The following AEBP1 variants were observed in gnomAD, a reference collection of about 807,000 sequenced individuals.
AEBP1 encodes the protein AE binding protein 1.
A neutral mutation model predicts 116.5 loss-of-function variants in AEBP1; 69 were observed. The ratio of observed to expected loss-of-function variants is 0.59; its 90% CI spans 0.49 to 0.72. The LOEUF is 0.72. Ranked by LOEUF, AEBP1 falls within the 30% of genes least tolerant of loss-of-function variation. The pLI is 0.00. For missense variants in AEBP1, 1,444 were observed against 1,557.5 expected, an observed-to-expected ratio of 0.93 and a Z score of 1.23; for synonymous variants, 627 against 627.3, an observed-to-expected ratio of 1.00 and a Z score of 0.01.
chr7:44,111,466 G>A lies in AEBP1; in HGVS notation c.1717-41G>A, dbSNP rs748051536. 11 of 1,547,900 alleles carry A rather than the reference G, an allele frequency of 7.1e-6. No individual in the cohort carries two copies. The East Asian group carries it at 1.1e-4, about 16-fold the overall frequency. Reference sequence around the variant, plus strand: ...GGAAGGGGCATGGTCAGCGGGGGACGGATTGCATGATTGATTCCACGTCCT... The same window carrying A: ...GGAAGGGGCATGGTCAGCGGGGGACAGATTGCATGATTGATTCCACGTCCT... On this transcript the variant is annotated intron_variant, in intron 14 of 20. Transcript: ENST00000223357. The surrounding 1 kb of genome is among the most constrained non-coding windows in gnomAD (Gnocchi z 4.7).
chr7:44,108,856 C>A lies in AEBP1; in HGVS notation c.941-43C>A, dbSNP rs1179864655. ...TGTGGACCCAGGAGCTGAGGCCCCG[C>A]AGCAGGGTCAGGGCAGCCTCAGCTG... On this transcript the variant is annotated intron_variant, in intron 6 of 20. Coordinates refer to ENST00000223357, the MANE Select transcript of AEBP1 (RefSeq NM_001129.5). The surrounding 1 kb of genome is among the most constrained non-coding windows in gnomAD (Gnocchi z 5.0). 5 of 1,534,304 alleles carry A rather than the reference C, an allele frequency of 3.3e-6. No individual in the cohort carries two copies. Among genetic ancestry groups the A allele is most frequent in the Non-Finnish European group, 4.4e-6 (5 of 1,132,290 alleles).
Position 44,106,696 on chromosome 7 carries a change from C to T in AEBP1, c.404C>T (p.Pro135Leu). The change falls in exon 2 of 21, where the codon CCA becomes CTA. Residue 135 changes from proline to leucine, a missense_variant. By Grantham distance (98) the Pro-to-Leu change is moderately conservative. Coordinates refer to ENST00000223357, the MANE Select transcript of AEBP1 (RefSeq NM_001129.5). ...PKATKKPKEK[P>L]PKATKKPKEK... ...GCCACCAAGAAGCCCAAGGAGAAGC[C>T]ACCTAAGGCCACCAAGAAGCCCAAG... 6.2e-7 allele frequency: 1 copy of T among 1,612,074 alleles called. No homozygotes were observed. The highest frequency in any genetic ancestry group is 8.5e-7 in the Non-Finnish European group (1 of 1,179,498).
At position 44,112,872 on chromosome 7, in the gene AEBP1, C is replaced by T. The variant is rs963594196; in HGVS notation, c.2532C>T (p.Gly844=). ...CCCAGGACTACACCGGCGGCATGGG[C>T]ATCGTCAACGGGGCCAAGTGGAACC... ...CQAQDYTGGM[G]IVNGAKWNPR... is the part of the protein sequence containing the mutation. Residue 844 remains glycine, a synonymous_variant, in exon 18 of 21, where the codon GGC becomes GGT. Coordinates refer to ENST00000223357, the MANE Select transcript of AEBP1 (RefSeq NM_001129.5). The surrounding 1 kb of genome is among the most constrained non-coding windows in gnomAD (Gnocchi z 6.6). 1 of 1,612,232 alleles carries T rather than the reference C, an allele frequency of 6.2e-7. No homozygotes were observed. Among genetic ancestry groups the T allele is most frequent in the Non-Finnish European group, 8.5e-7 (1 of 1,179,330 alleles).
chr7:44,104,546 TCTCTCC>T lies in AEBP1; in HGVS notation c.-118_-113del. ...CCGGATTCCCTCGCTCACCCCATCC[TCTCTCC>T]CGCCCCTTCCTGGATTCCCTCACCC... On this transcript the variant is annotated 5_prime_UTR_variant, in exon 1 of 21. Coordinates refer to ENST00000223357, the MANE Select transcript of AEBP1 (RefSeq NM_001129.5). 1 of 601,408 alleles carries T rather than the reference TCTCTCC, an allele frequency of 1.7e-6. No homozygotes were observed. The highest frequency in any genetic ancestry group is 2.6e-6 in the Non-Finnish European group (1 of 390,202). 37.3% of individuals were successfully genotyped at this position (601,408 alleles called of 1,614,324 possible).
At position 44,108,808 on chromosome 7, in the gene AEBP1, G is replaced by A. The variant is rs113000787; in HGVS notation, c.941-91G>A. The A allele has an allele frequency of 6.3e-3, 7,533 of 1,193,224 alleles. 346 individuals are homozygous for A. In the African/African-American group the frequency reaches 0.098, roughly 16 times the overall value. 73.9% of individuals were successfully genotyped at this position (1,193,224 alleles called of 1,614,324 possible). ...ATCTCCCGTCCTCCTCCCCTCTGGC[G>A]CGGTCCTGTCCTGCTGAGCTCCTGT... On this transcript the variant is annotated intron_variant, in intron 6 of 20. Coordinates refer to ENST00000223357, the MANE Select transcript of AEBP1 (RefSeq NM_001129.5). The surrounding 1 kb of genome is among the most constrained non-coding windows in gnomAD (Gnocchi z 5.0).
chr7:44,109,524 TG>T, intron 9 of AEBP1, 183 bp downstream of exon 9: 4 of 694,480 alleles, frequency 5.8e-6, no homozygotes, highest in African/African-American at 1.8e-5. Context: ...GCCCCAGCCC[TG>T]GACCCCAGGC....
intron 7 of AEBP1, 23 bp from the exon 8 acceptor site, chr7:44,109,084 C>CAGAGCCCAGAG: frequency 6.2e-7 from 1 of 1,613,206 alleles, no homozygotes; most frequent in African/African-American, 1.3e-5. Context: ...GCTGACTGGC[C>CAGAGCCCAGAG]CCTCCTACCT....
intron 1 of AEBP1, among the ~76,000 whole-genome samples, chr7:44,105,934 C>A (rs1045909175): frequency 6.6e-6 from 1 of 152,158 alleles, no homozygotes; most frequent in Non-Finnish European, 1.5e-5. Context: ...AAGCTCCCTA[C>A]CTGTCTTTTC....
rs778775793 is a variant in AEBP1, at chr7:44,112,945, G to C, written c.2569+36G>C. ...CTGGGAGGGGCTGTGGGCGGGGCCT[G>C]GTCCGGAGAGGGGCTGACTTTGGGT... On this transcript the variant is annotated intron_variant, in intron 18 of 20. Coordinates refer to ENST00000223357, the MANE Select transcript of AEBP1 (RefSeq NM_001129.5). This position sits in a 1 kb window ranked among gnomAD's most constrained non-coding sequence, Gnocchi z 6.6. The C allele has an allele frequency of 6.2e-7, 1 of 1,613,108 alleles. No homozygotes were observed. The highest frequency in any genetic ancestry group is 1.1e-5 in the South Asian group (1 of 91,028).
chr7:44,107,968 C>CG lies in AEBP1; in HGVS notation c.863-37dup, dbSNP rs58863562. 1 allele frequency: 1,568,274 copies of CG among 1,569,128 alleles called. 783,719 individuals are homozygous for CG. The highest frequency in any genetic ancestry group is 1 in the Non-Finnish European group (1,158,123 of 1,158,234). ...GGCAGGAGAGGAGGTGCCATGGCCACGGCGCTCTGGCCCCCTCCTAACCTC... is the reference window on the plus strand; with the variant it reads ...GGCAGGAGAGGAGGTGCCATGGCCACGGGCGCTCTGGCCCCCTCCTAACCTC... On this transcript the variant is annotated intron_variant, in intron 5 of 20. Transcript: ENST00000223357. The surrounding 1 kb of genome is among the most constrained non-coding windows in gnomAD (Gnocchi z 4.3).
Position 44,112,686 on chromosome 7 carries a change from G to A in AEBP1, c.2346G>A (p.Glu782=), listed in dbSNP as rs763077790. The change falls in exon 18 of 21, where the codon GAG becomes GAA. Residue 782 remains glutamate (E), a synonymous_variant. Coordinates refer to ENST00000223357, the MANE Select transcript of AEBP1 (RefSeq NM_001129.5). The surrounding 1 kb of genome is among the most constrained non-coding windows in gnomAD (Gnocchi z 6.6). ...ATATGGCCCGCACGCCTACCCAGGA[G>A]CAGCTGCTGGCCGCAGCCATGGCAG... ...PYDMARTPTQ[E]QLLAAAMAAA... 292 of 1,613,118 alleles carry A rather than the reference G, an allele frequency of 1.8e-4. No homozygotes were observed. The highest frequency in any genetic ancestry group is 2.5e-4 in the Admixed American group (15 of 59,990).
In AEBP1 at chr7:44,107,698, A is replaced by G; in HGVS notation, c.737A>G (p.Asp246Gly). The change falls in exon 4 of 21, where the codon GAC (aspartate) becomes GGC (glycine). Residue 246 changes from aspartate to glycine, a missense_variant and splice_region_variant. Transcript: ENST00000223357. The surrounding 1 kb of genome is among the most constrained non-coding windows in gnomAD (Gnocchi z 4.3). ...NDQIEREDYE[D>G]FEYIRRQKQP... ...CAGATCGAGAGGGAGGACTATGAGG[A>G]CTGTGAGTAGGGTCCTGCCAGCCCC... 6.2e-7 allele frequency: 1 copy of G among 1,613,360 alleles called. No individual in the cohort carries two copies. Among genetic ancestry groups the G allele is most frequent in the East Asian group, 2.2e-5 (1 of 44,848 alleles).
Position 44,114,120 on chromosome 7 carries a change from G to A in AEBP1, c.3336G>A (p.Gln1112=), listed in dbSNP as rs148505735. 20 of 1,613,918 alleles carry A rather than the reference G, an allele frequency of 1.2e-5. No individual in the cohort carries two copies. The African/African-American group carries it at 1.9e-4, about 15-fold the overall frequency. ...GTKVEPEFET[Q]LEPEFETQLE... ...AGGTGGAGCCCGAGTTTGAGACCCA[G>A]TTGGAGCCTGAGTTTGAGACCCAGC... The change falls in exon 21 of 21, where the codon CAG becomes CAA. Residue 1112 remains glutamine, a synonymous_variant. Coordinates refer to ENST00000223357, the MANE Select transcript of AEBP1 (RefSeq NM_001129.5).
At position 44,113,444 on chromosome 7, in the gene AEBP1, T is replaced by C. The variant is rs1399882851; in HGVS notation, c.2809+93T>C. 7.7e-7 allele frequency: 1 copy of C among 1,298,364 alleles called. No homozygotes were observed. The highest frequency in any genetic ancestry group is 3.6e-5 in the East Asian group (1 of 28,032). 80.4% of individuals were successfully genotyped at this position (1,298,364 alleles called of 1,614,324 possible). A position where few individuals can be genotyped will look rare whatever the true frequency, so the allele number is the denominator to read the frequency against. On this transcript the variant is annotated intron_variant, in intron 20 of 20. Transcript: ENST00000223357. This position sits in a 1 kb window ranked among gnomAD's most constrained non-coding sequence, Gnocchi z 5.3. ...AGGAACTCAGCGAGCAGGTAGAGTC[T>C]GGGGAGCCTGGGGGCGAAATTCAGA...
At position 44,108,468 on chromosome 7, in the gene AEBP1, C is replaced by T. The variant is rs968992768; in HGVS notation, c.940+384C>T. On this transcript the variant is annotated intron_variant, in intron 6 of 20. Transcript: ENST00000223357. This position sits in a 1 kb window ranked among gnomAD's most constrained non-coding sequence, Gnocchi z 5.0. ...CGAGGGCTTTTGCCTCCCTGTTGCT[C>T]ATGCCCCTGCGTCCCTGGAGCCCTC... is the stretch of plus-strand genomic sequence containing the variant. Among the ~76,000 whole-genome samples, 1 of 152,122 alleles carries T rather than the reference C, an allele frequency of 6.6e-6. No individual in the cohort carries two copies. Among genetic ancestry groups the T allele is most frequent in the African/African-American group, 2.4e-5 (1 of 41,400 alleles).
intron 1 of AEBP1, among the ~76,000 whole-genome samples, chr7:44,105,974 G>C (rs1359427026): frequency 6.6e-6 from 1 of 152,098 alleles, no homozygotes; most frequent in East Asian, 1.9e-4. Context: ...GAACCCCCCA[G>C]GACTCCCTAT....
chr7:44,112,478 C>T lies in AEBP1; in HGVS notation c.2218-80C>T. ...GGATCGTGCGAGTACTGGTGTGAAG[C>T]TTCATGGAGGGTGATCGGGCTAGGT... On this transcript the variant is annotated intron_variant, in intron 17 of 20. Transcript: ENST00000223357. The surrounding 1 kb of genome is among the most constrained non-coding windows in gnomAD (Gnocchi z 6.6). 2 of 1,422,606 alleles carry T rather than the reference C, an allele frequency of 1.4e-6. No homozygotes were observed. The highest frequency in any genetic ancestry group is 2.7e-5 in the South Asian group (2 of 73,262). 88.1% of individuals were successfully genotyped at this position (1,422,606 alleles called of 1,614,324 possible).
chr7:44,105,039 C>A, intron 1 of AEBP1, 121 bp downstream of exon 1: 5 of 892,916 alleles, frequency 5.6e-6, no homozygotes, highest in Non-Finnish European at 8.2e-6. Flanking sequence ...CTTACTAATG[C>A]GCACGCGAGC....
In AEBP1 at chr7:44,113,901, C is replaced by A. The variant is rs749382269; in HGVS notation, c.3117C>A (p.Asn1039Lys). The stretch of plus-strand genomic sequence containing the variant: ...CACAGATGCGGCTGCGGCGCCTCAA[C>A]GCCACCACCACCCTAGGCCCCCACA... The part of the protein sequence containing the change: ...LRAQMRLRRL[N>K]ATTTLGPHTV... Residue 1039 changes from asparagine (N) to lysine (K), a missense_variant, in exon 21 of 21, where the codon AAC (asparagine) becomes AAA (lysine). Coordinates refer to ENST00000223357, the MANE Select transcript of AEBP1 (RefSeq NM_001129.5). The surrounding 1 kb of genome is among the most constrained non-coding windows in gnomAD (Gnocchi z 5.3). 4 of 1,613,348 alleles carry A rather than the reference C, an allele frequency of 2.5e-6. No homozygotes were observed. The highest frequency in any genetic ancestry group is 1.3e-5 in the African/African-American group (1 of 75,044).
Sources: gnomAD v4.1 joint callset for allele counts (sites outside exome capture counted in the v4.1 genomes callset) on GRCh38, gnomAD v4.1.1 for gene constraint, Gnocchi (gnomAD v3.1) non-coding constraint, MANE v1.5 for transcripts, NCBI Gene and HGNC (gene_info 2026-07-23, HGNC 2026-07-21) for gene names.